PDE7B: variants seen among roughly 807,000 people sequenced by gnomAD.
PDE7B encodes 3',5'-cyclic-AMP phosphodiesterase 7B.
Under a neutral mutation model 56.2 loss-of-function variants are expected in PDE7B, and 29 were observed. The observed-to-expected ratio is 0.52, with a 90% CI of 0.38 to 0.70. The LOEUF (loss-of-function observed/expected upper bound fraction) is 0.70, where lower values mean the gene tolerates loss of function less well. PDE7B is among the 30% of genes least tolerant of loss of function. The probability of loss-of-function intolerance (pLI) is 0.00; values close to 1 mark genes in which losing one functional copy is unlikely to be tolerated. For synonymous variants in PDE7B, 197 were observed against 196.9 expected (o/e 1.00, Z 0.00); for missense variants, 490 against 565.0 (o/e 0.87, Z 1.35).
intron 2 of PDE7B, among the ~76,000 whole-genome samples, chr6:135,965,785 C>A (rs1774987850): frequency 1.3e-5 from 2 of 152,040 alleles, no homozygotes; most frequent in Non-Finnish European, 2.9e-5. Flanking sequence ...ACAGCCAAAC[C>A]ATATCACCAA....
chr6:135,857,512 A>G (rs1775058534), intron 1 of PDE7B, among the ~76,000 whole-genome samples: 1 of 152,102 alleles, frequency 6.6e-6, no homozygotes, highest in Non-Finnish European at 1.5e-5. Context: ...GTATGTTTCC[A>G]TAGGTCCAGG....
chr6:136,023,007 C>A (rs1484823378), intron 2 of PDE7B, among the ~76,000 whole-genome samples: 2 of 151,890 alleles, frequency 1.3e-5, no homozygotes, highest in African/African-American at 4.8e-5. Flanking sequence ...AAAAAAAAAA[C>A]CAGCTCACTC....
intron 1 of PDE7B, among the ~76,000 whole-genome samples, chr6:135,859,177 G>A (rs1272861992): frequency 6.6e-6 from 1 of 152,128 alleles, no homozygotes; most frequent in Non-Finnish European, 1.5e-5. Flanking sequence ...TGTAAAAGGA[G>A]ATGCTGCAGT....
intron 3 of PDE7B, 142 bp downstream of exon 3, chr6:136,108,956 C>T (rs1459679876): frequency 3.1e-6 from 2 of 653,164 alleles, no homozygotes; most frequent in Non-Finnish European, 5.5e-6. Context: ...AGAACTTAAC[C>T]CTTTGTCTTT....
chr6:136,194,121 A>C lies in PDE7B; in HGVS notation c.*2281A>C, dbSNP rs746884821. 5 of 152,304 alleles carry C rather than the reference A, an allele frequency of 3.3e-5. No individual in the cohort carries two copies. In the South Asian group the frequency reaches 1.0e-3, roughly 32 times the overall value. The allele number at this position is 152,304 out of a possible 1,614,324, so 9.4% of individuals were successfully genotyped here. A position where few individuals can be genotyped will look rare whatever the true frequency, so the allele number is the denominator to read the frequency against. On this transcript the variant is annotated 3_prime_UTR_variant, in exon 13 of 13. Coordinates refer to ENST00000308191, the MANE Select transcript of PDE7B (RefSeq NM_018945.4). ...CTGTCTTACTTTGGTTTGATGGTACACATAGGGCTTTTGAACAGTCTATTT... is the reference window on the plus strand; with the variant it reads ...CTGTCTTACTTTGGTTTGATGGTACCCATAGGGCTTTTGAACAGTCTATTT...
intron 2 of PDE7B, among the ~76,000 whole-genome samples, chr6:135,977,116 C>G (rs1403376986): frequency 6.6e-6 from 1 of 152,080 alleles, no homozygotes; most frequent in East Asian, 1.9e-4. Flanking sequence ...CCCTTTATAG[C>G]AAGAAGCCAA....
chr6:135,872,370 A>G (rs1216981064), intron 1 of PDE7B, among the ~76,000 whole-genome samples: 1 of 152,202 alleles, frequency 6.6e-6, no homozygotes, highest in Non-Finnish European at 1.5e-5. Context: ...GTAGAGTATC[A>G]TCCACAATAC....
intron 8 of PDE7B, among the ~76,000 whole-genome samples, chr6:136,170,737 G>C (rs531111326): frequency 2.6e-5 from 4 of 152,106 alleles, no homozygotes; most frequent in Admixed American, 1.3e-4. Context: ...AACTCTGTAC[G>C]GAGTCCTGAG....
At chr6:135,983,708 G>A (rs1013408349) in intron 2 of PDE7B, among the ~76,000 whole-genome samples, 2 of 152,148 alleles carry the variant, frequency 1.3e-5, no homozygotes, top group African/African-American at 4.8e-5. Context: ...GCCTTCCCAA[G>A]AAAGTGATTC....
chr6:136,170,086 C>T (rs1403731381), intron 8 of PDE7B, among the ~76,000 whole-genome samples: 1 of 152,112 alleles, frequency 6.6e-6, no homozygotes, highest in African/African-American at 2.4e-5. Context: ...GCTTTCCTGA[C>T]TTGTGTTTTC....
intron 3 of PDE7B, among the ~76,000 whole-genome samples, chr6:136,142,878 C>T (rs1456290249): frequency 6.6e-6 from 1 of 152,060 alleles, no homozygotes; most frequent in Non-Finnish European, 1.5e-5. Context: ...GAATACAGCA[C>T]ACTGATAGGT....
chr6:135,950,356 C>A (rs187218939), intron 2 of PDE7B, among the ~76,000 whole-genome samples: 31 of 152,186 alleles, frequency 2.0e-4, no homozygotes, highest in Admixed American at 1.8e-3. Context: ...TTTCCTAAAG[C>A]ATTTTTTGAG....
intron 6 of PDE7B, among the ~76,000 whole-genome samples, chr6:136,152,127 A>T (rs1778530822): frequency 6.6e-6 from 1 of 152,156 alleles, no homozygotes; most frequent in South Asian, 2.1e-4. Context: ...GAATCTGAGT[A>T]CAAGTGGACT....
At chr6:136,121,382 C>T (rs187827464) in intron 3 of PDE7B, among the ~76,000 whole-genome samples, 199 of 152,284 alleles carry the variant, frequency 1.3e-3, no homozygotes, top group Admixed American at 2.5e-3. Flanking sequence ...ATCTTCTTTT[C>T]CCATTCTTTC....
At chr6:135,916,419 G>A (rs1326630564) in intron 1 of PDE7B, among the ~76,000 whole-genome samples, 8 of 75,546 alleles carry the variant, frequency 1.1e-4, no homozygotes, top group African/African-American at 3.5e-4. Context: ...TTGAGATGGA[G>A]TTTTGCTCTG....
intron 10 of PDE7B, 28 bp from the exon 11 acceptor site, chr6:136,181,199 A>G: frequency 6.4e-7 from 1 of 1,560,394 alleles, no homozygotes; most frequent in Non-Finnish European, 8.8e-7. Context: ...ATCCTCTCAC[A>G]ATTTCTCCCC....
chr6:135,863,474 C>A (rs1775189887), intron 1 of PDE7B, among the ~76,000 whole-genome samples: 1 of 151,834 alleles, frequency 6.6e-6, no homozygotes, highest in Admixed American at 6.6e-5. Context: ...TGGTTTGTGA[C>A]CTAAAAAGGT....
At chr6:136,013,449 A>G (rs906163133) in intron 2 of PDE7B, among the ~76,000 whole-genome samples, 7 of 152,214 alleles carry the variant, frequency 4.6e-5, no homozygotes, top group African/African-American at 1.7e-4. Flanking sequence ...ACACTAAACT[A>G]TGTGCCAGGC....
At chr6:136,049,710 A>C (rs1776591390) in intron 2 of PDE7B, among the ~76,000 whole-genome samples, 1 of 152,188 alleles carries the variant, frequency 6.6e-6, no homozygotes, top group Admixed American at 6.5e-5. Flanking sequence ...CAAGGCAAAG[A>C]AGCACAGGAA....
Sources: allele counts gnomAD v4.1 joint callset (sites outside exome capture counted in the v4.1 genomes callset), GRCh38; gene constraint gnomAD v4.1.1; transcripts MANE v1.5; gene names NCBI Gene and HGNC (gene_info 2026-07-23, HGNC 2026-07-21).